The following TIMM17A variants were observed in gnomAD, a reference collection of about 807,000 sequenced individuals.
TIMM17A encodes translocase of inner mitochondrial membrane 17A, also known as mitochondrial import inner membrane translocase subunit Tim17-A.
Under a neutral mutation model 26.5 loss-of-function variants are expected in TIMM17A, and 15 were observed. The observed-to-expected ratio is 0.57, with a 90% CI of 0.38 to 0.87. The LOEUF (loss-of-function observed/expected upper bound fraction) is 0.87, where lower values mean the gene tolerates loss of function less well. Ranked by LOEUF, TIMM17A falls within the 40% of genes least tolerant of loss-of-function variation. The probability of loss-of-function intolerance (pLI) is 0.00; values close to 1 mark genes in which losing one functional copy is unlikely to be tolerated. For missense variants in TIMM17A, 201 were observed against 210.0 expected, an observed-to-expected ratio of 0.96 and a Z score of 0.27; for synonymous variants, 80 against 70.8, an observed-to-expected ratio of 1.13 and a Z score of -0.66.
chr1:201,966,991 T>TTATGTG lies in TIMM17A; in HGVS notation c.430+1449_430+1450insATGTGT, dbSNP rs572223784. Among the ~76,000 whole-genome samples, 644 of 133,092 alleles carry TTATGTG rather than the reference T, an allele frequency of 4.8e-3. 1 individual carries two copies. The highest frequency in any genetic ancestry group is 0.011 in the Middle Eastern group (3 of 264). The allele number at this position is 133,092 out of a possible 152,430, so 87.3% of individuals were successfully genotyped here. A position where few individuals can be genotyped will look rare whatever the true frequency, so the allele number is the denominator to read the frequency against. ...TTATATATGTTGTATATTATATATG[T>TTATGTG]TGTGTGTGTGTGTGTGTGTGTGTGT... On this transcript the variant is annotated intron_variant, in intron 5 of 5. Transcript: ENST00000367287.
intron 1 of TIMM17A, among the ~76,000 whole-genome samples, chr1:201,956,666 T>C (rs578229732): frequency 6.6e-6 from 1 of 152,276 alleles, no homozygotes; most frequent in East Asian, 1.9e-4. Context: ...GAGTTAAAGA[T>C]CTTAGAAAAA....
In TIMM17A at chr1:201,955,697, C is replaced by T. The variant is rs1484812915; in HGVS notation, c.26+145C>T. 4.4e-6 allele frequency: 5 copies of T among 1,130,916 alleles called. No individual in the cohort carries two copies. The African/African-American group carries it at 6.1e-5, about 14-fold the overall frequency. 70.1% of individuals were successfully genotyped at this position (1,130,916 alleles called of 1,614,324 possible). A position where few individuals can be genotyped will look rare whatever the true frequency, so the allele number is the denominator to read the frequency against. The stretch of plus-strand genomic sequence containing the variant: ...GGTAACTGGGCAATGCGGTCTTTCG[C>T]GGCCAGTCGGCTTCTTAGCCCTGTA... On this transcript the variant is annotated intron_variant, in intron 1 of 5. Transcript: ENST00000367287.
chr1:201,964,870 G>C (rs765173224), intron 4 of TIMM17A, among the ~76,000 whole-genome samples: 1 of 151,316 alleles, frequency 6.6e-6, no homozygotes, highest in Non-Finnish European at 1.5e-5. Flanking sequence ...GGATGGTCTC[G>C]ATCTCCTGAC....
chr1:201,963,625 C>T lies in TIMM17A; in HGVS notation c.200C>T (p.Ala67Val). The T allele has an allele frequency of 6.3e-7, 1 of 1,599,638 alleles. No homozygotes were observed. Among genetic ancestry groups the T allele is most frequent in the Non-Finnish European group, 8.5e-7 (1 of 1,176,490 alleles). ...TTTTACAATAAAATAGGTAGCTTTG[C>T]AGTTTGGGGAGGGCTGTTTTCCATG... ...TRAPQLGGSF[A>V]VWGGLFSMID... The change falls in exon 4 of 6, where the codon GCA becomes GTA. Residue 67 changes from alanine to valine, a missense_variant. By Grantham distance (64) the Ala-to-Val change is moderately conservative. Transcript: ENST00000367287.
chr1:201,960,151 G>T (rs997008594), intron 3 of TIMM17A, among the ~76,000 whole-genome samples: 5 of 152,168 alleles, frequency 3.3e-5, no homozygotes, highest in African/African-American at 1.2e-4. Context: ...TGTAATCCCA[G>T]CACTTCGGGA....
At chr1:201,962,319 C>G (rs1360542814) in intron 3 of TIMM17A, 1 of 152,166 alleles carries the variant, frequency 6.6e-6, no homozygotes, top group Non-Finnish European at 1.5e-5. Context: ...TTATGCTATA[C>G]TCCACTGGTA....
Position 201,965,558 on chromosome 1 carries a change from T to A in TIMM17A, c.430+15T>A. The stretch of plus-strand genomic sequence containing the variant: ...GTTTCCCAATGGTGAGTCTTTTTGC[T>A]TAAAACTATAGCTCAAACATTTTGG... On this transcript the variant is annotated intron_variant, in intron 5 of 5. Transcript: ENST00000367287. The A allele has an allele frequency of 6.7e-7, 1 of 1,493,266 alleles. No homozygotes were observed. 92.5% of individuals were successfully genotyped at this position (1,493,266 alleles called of 1,614,324 possible). A position where few individuals can be genotyped will look rare whatever the true frequency, so the allele number is the denominator to read the frequency against.
intron 3 of TIMM17A, chr1:201,957,800 A>ATT (rs11480520): frequency 0.077 from 24,219 of 315,208 alleles, 80 homozygotes; most frequent in Non-Finnish European, 0.094. Flanking sequence ...ACACTCGGTG[A>ATT]TTTTTTTTTT....
intron 1 of TIMM17A, among the ~76,000 whole-genome samples, chr1:201,956,881 A>G (rs1371141975): frequency 1.3e-5 from 2 of 150,238 alleles, no homozygotes; most frequent in Non-Finnish European, 1.5e-5. Context: ...ACTTGAACCC[A>G]GGAGACGGAG....
In TIMM17A at chr1:201,969,597, C is replaced by T. The variant is rs1412560968; in HGVS notation, c.*43C>T. 20 of 1,518,104 alleles carry T rather than the reference C, an allele frequency of 1.3e-5. No individual in the cohort carries two copies. The highest frequency in any genetic ancestry group is 1.7e-5 in the Admixed American group (1 of 59,062). 94.0% of individuals were successfully genotyped at this position (1,518,104 alleles called of 1,614,324 possible). ...TTCTTTAACAGAACGAGTTGTGGTTCGAGAAGGATTTCAGAAGATCAAGTT... is the reference window on the plus strand; with the variant it reads ...TTCTTTAACAGAACGAGTTGTGGTTTGAGAAGGATTTCAGAAGATCAAGTT... On this transcript the variant is annotated 3_prime_UTR_variant, in exon 6 of 6. Transcript: ENST00000367287.
At position 201,969,438 on chromosome 1, in the gene TIMM17A, T is replaced by C. The variant is rs780675046; in HGVS notation, c.431-31T>C. 2.6e-6 allele frequency: 4 copies of C among 1,554,398 alleles called. No homozygotes were observed. The South Asian group carries it at 4.5e-5, about 17-fold the overall frequency. On this transcript the variant is annotated intron_variant, in intron 5 of 5. Coordinates refer to ENST00000367287, the MANE Select transcript of TIMM17A (RefSeq NM_006335.3). ...TTTTAATAATATAATATTCAGGTGA[T>C]TTTTAAATCCTTTTTATTTCTCACT...
intron 5 of TIMM17A, among the ~76,000 whole-genome samples, chr1:201,966,991 T>TTGTGTGTGTGTGTGTGTGTGTGTGTG (rs759557626): frequency 1.5e-5 from 2 of 133,100 alleles, no homozygotes; most frequent in Non-Finnish European, 3.2e-5. Context: ...ATTATATATG[T>TTGTGTGTGTGTGTGTGTGTGTGTGTG]TGTGTGTGTG....
rs1020489292 is a variant in TIMM17A at position 201,970,302 on chromosome 1, T to C, written c.*748T>C. ...AGAGTGTACTGGCACTGGAAGAGTT[T>C]AGTGTTTCTTGTATGCTTGAAAATA... On this transcript the variant is annotated 3_prime_UTR_variant, in exon 6 of 6. Transcript: ENST00000367287. The C allele has an allele frequency of 6.6e-6, 1 of 152,254 alleles. No homozygotes were observed. The highest frequency in any genetic ancestry group is 1.5e-5 in the Non-Finnish European group (1 of 68,048). 9.4% of individuals were successfully genotyped at this position (152,254 alleles called of 1,614,324 possible).
At chr1:201,956,737 C>T (rs1682418190) in intron 1 of TIMM17A, among the ~76,000 whole-genome samples, 1 of 151,928 alleles carries the variant, frequency 6.6e-6, no homozygotes, top group Non-Finnish European at 1.5e-5. Flanking sequence ...CGAGGCGGAT[C>T]ACGAGGTCAG....
At chr1:201,968,812 C>T (rs1682682987) in intron 5 of TIMM17A, among the ~76,000 whole-genome samples, 1 of 152,008 alleles carries the variant, frequency 6.6e-6, no homozygotes, top group Non-Finnish European at 1.5e-5. Flanking sequence ...TTTCTCTCTT[C>T]CTTCCAGATA....
chr1:201,965,780 G>A (rs1558251537), intron 5 of TIMM17A, among the ~76,000 whole-genome samples: 2 of 152,196 alleles, frequency 1.3e-5, no homozygotes, highest in Non-Finnish European at 2.9e-5. Flanking sequence ...CAGTGCTCAT[G>A]TCTTGCAAGA....
At chr1:201,958,866 C>G (rs1682474261) in intron 3 of TIMM17A, among the ~76,000 whole-genome samples, 1 of 152,200 alleles carries the variant, frequency 6.6e-6, no homozygotes, top group Admixed American at 6.5e-5. Context: ...CTATTATTAT[C>G]TCCCATTTTC....
rs1682609547 is a variant in TIMM17A, at chr1:201,965,358, GTTCTC to G, written c.320-70_320-66del. ...GGGGGAGCATGTCACCATATGGACA[GTTCTC>G]TTCTTTACTATCTCTTACAGTAAAC... On this transcript the variant is annotated intron_variant, in intron 4 of 5. Transcript: ENST00000367287. The G allele has an allele frequency of 3.8e-6, 4 of 1,063,458 alleles. No individual in the cohort carries two copies. The South Asian group carries it at 5.2e-5, about 14-fold the overall frequency. The allele number at this position is 1,063,458 out of a possible 1,614,324, so 65.9% of individuals were successfully genotyped here.
chr1:201,964,674 A>T (rs1246074256), intron 4 of TIMM17A, among the ~76,000 whole-genome samples: 1 of 93,284 alleles, frequency 1.1e-5, no homozygotes, highest in Non-Finnish European at 1.9e-5. Context: ...TTTGAGACTG[A>T]GTCTCACTCT....
Sources: allele counts gnomAD v4.1 joint callset (sites outside exome capture counted in the v4.1 genomes callset), GRCh38; gene constraint gnomAD v4.1.1; transcripts MANE v1.5; gene names NCBI Gene and HGNC (gene_info 2026-07-23, HGNC 2026-07-21).